LRP1B: variants seen among roughly 807,000 people sequenced by gnomAD.
LRP1B encodes the protein low-density lipoprotein receptor-related protein 1B.
In LRP1B, 217 loss-of-function variants were observed where a neutral mutation model predicts 556.6. That is an observed-to-expected ratio of 0.39 (90% CI 0.35 to 0.44). LRP1B has a LOEUF of 0.44. LRP1B is among the 20% of genes least tolerant of loss of function. The pLI is 1.00. For synonymous variants in LRP1B, 2,047 were observed against 1,865.8 expected, an observed-to-expected ratio of 1.10 and a Z score of -2.50; for missense variants, 5,053 against 5,620.8, an observed-to-expected ratio of 0.90 and a Z score of 3.23.
At chr2:140,623,152 T>C (rs1379797758) in intron 41 of LRP1B, among the ~76,000 whole-genome samples, 2 of 152,176 alleles carry the variant, frequency 1.3e-5, no homozygotes, top group African/African-American at 4.8e-5. Context: ...AGGTTTCTAG[T>C]TTATAAATAG....
intron 37 of LRP1B, among the ~76,000 whole-genome samples, chr2:140,702,857 C>T (rs1686698271): frequency 6.6e-6 from 1 of 152,094 alleles, no homozygotes; most frequent in African/African-American, 2.4e-5. Flanking sequence ...TCCTACTTTT[C>T]ATATCTCAAC....
At chr2:141,316,968 A>G (rs1467922759) in intron 3 of LRP1B, among the ~76,000 whole-genome samples, 3 of 152,196 alleles carry the variant, frequency 2.0e-5, no homozygotes, top group Admixed American at 2.0e-4. Flanking sequence ...TATAATCTAG[A>G]AAGGTGATGC....
At chr2:142,011,308 T>C (rs1702952102) in intron 1 of LRP1B, among the ~76,000 whole-genome samples, 1 of 152,202 alleles carries the variant, frequency 6.6e-6, no homozygotes, top group South Asian at 2.1e-4. Context: ...AGTGCCCTCA[T>C]ACTTTGTGTC....
intron 2 of LRP1B, among the ~76,000 whole-genome samples, chr2:141,731,386 A>G (rs914604043): frequency 1.3e-5 from 2 of 152,042 alleles, no homozygotes; most frequent in African/African-American, 2.4e-5. Flanking sequence ...AGAATCTCCT[A>G]TGTCCTCCGT....
At chr2:140,615,498 C>A (rs1683223497) in intron 41 of LRP1B, among the ~76,000 whole-genome samples, 2 of 152,052 alleles carry the variant, frequency 1.3e-5, no homozygotes, top group African/African-American at 4.8e-5. Flanking sequence ...TCTATCTGTG[C>A]AGTGGGCAAG....
intron 1 of LRP1B, among the ~76,000 whole-genome samples, chr2:141,997,865 A>G (rs767668390): frequency 6.6e-6 from 1 of 151,988 alleles, no homozygotes; most frequent in Non-Finnish European, 1.5e-5. Flanking sequence ...ACAGTTACAG[A>G]CCCTTTTTTG....
intron 2 of LRP1B, among the ~76,000 whole-genome samples, chr2:141,630,132 T>C (rs949076347): frequency 3.3e-5 from 5 of 152,164 alleles, no homozygotes; most frequent in African/African-American, 1.2e-4. Flanking sequence ...AAATGTTTTA[T>C]TGGACAAATA....
intron 46 of LRP1B, 95 bp from the exon 47 acceptor site, chr2:140,534,235 G>A: frequency 8.8e-7 from 1 of 1,141,604 alleles, no homozygotes; most frequent in Non-Finnish European, 1.2e-6. Context: ...ATAATGACTG[G>A]ATTATGGATC....
At position 140,969,245 on chromosome 2, in the gene LRP1B, T is replaced by C. The variant is rs907836930; in HGVS notation, c.2887+12915A>G. 1.2e-4 allele frequency among the ~76,000 whole-genome samples: 18 copies of C among 152,360 alleles called. 1 individual carries two copies. Among genetic ancestry groups the C allele is most frequent in the African/African-American group, 3.8e-4 (16 of 41,582 alleles). On this transcript the variant is annotated intron_variant, in intron 18 of 90. Coordinates refer to ENST00000389484, the MANE Select transcript of LRP1B (RefSeq NM_018557.3). ...TGGGTGCATATATATTTAAGATAGT[T>C]AGCTCTTCTTGTTGAATTGATCCCT...
intron 3 of LRP1B, among the ~76,000 whole-genome samples, chr2:141,408,849 A>T (rs1690741547): frequency 6.6e-6 from 1 of 152,146 alleles, no homozygotes; most frequent in South Asian, 2.1e-4. Flanking sequence ...ACCTTCACTT[A>T]TCACAATTTT....
chr2:141,433,004 T>C (rs4300778), intron 3 of LRP1B, among the ~76,000 whole-genome samples: 72,829 of 151,698 alleles, frequency 0.48, 17,708 homozygotes, highest in East Asian at 0.69. Flanking sequence ...GAGACTTCTC[T>C]TCTTTCTTAA....
intron 31 of LRP1B, among the ~76,000 whole-genome samples, chr2:140,835,133 A>C (rs577384882): frequency 6.6e-6 from 1 of 152,202 alleles, no homozygotes; most frequent in South Asian, 2.1e-4. Flanking sequence ...ATGACTACTC[A>C]GAGGGGCGGC....
At position 140,511,697 on chromosome 2, in the gene LRP1B, G is replaced by A. The variant is rs1453167995; in HGVS notation, c.8270-1641C>T. On this transcript the variant is annotated intron_variant, in intron 51 of 90. Transcript: ENST00000389484. ...GAGTGGATGTTGACAAATCCCCCCC[G>A]TAATCTAGACTTGCTTATTTAACTG... 5.3e-5 allele frequency among the ~76,000 whole-genome samples: 8 copies of A among 150,368 alleles called. No homozygotes were observed. In the East Asian group the frequency reaches 1.4e-3, roughly 26 times the overall value.
At chr2:140,583,204 C>T (rs1233257116) in intron 43 of LRP1B, among the ~76,000 whole-genome samples, 1 of 117,828 alleles carries the variant, frequency 8.5e-6, no homozygotes, top group Non-Finnish European at 1.6e-5. Flanking sequence ...GAGACAGCAT[C>T]TCTCTCTGTT....
intron 51 of LRP1B, among the ~76,000 whole-genome samples, chr2:140,511,008 T>A (rs1050874113): frequency 3.0e-4 from 45 of 152,190 alleles, no homozygotes; most frequent in Middle Eastern, 3.4e-3. Flanking sequence ...CTTTTTTTTT[T>A]TAAATTTTAC....
intron 29 of LRP1B, among the ~76,000 whole-genome samples, chr2:140,848,236 T>C (rs562508006): frequency 1.3e-5 from 2 of 152,326 alleles, no homozygotes; most frequent in East Asian, 3.9e-4. Flanking sequence ...ATTGTTCTTT[T>C]TAATCCAGTC....
Position 140,450,645 on chromosome 2 carries a change from T to C in LRP1B, c.9980A>G (p.Asp3327Gly). 1 of 1,610,842 alleles carries C rather than the reference T, an allele frequency of 6.2e-7. No homozygotes were observed. The highest frequency in any genetic ancestry group is 8.5e-7 in the Non-Finnish European group (1 of 1,178,666). Reference sequence around the variant, plus strand: ...TTTCCACCAGAATGGAATACATTTGTCAGTTTTGCAACGAAACTTAAAAAA... The same window carrying C: ...TTTCCACCAGAATGGAATACATTTGCCAGTTTTGCAACGAAACTTAAAAAA... Reference protein sequence around the residue: ...CTASQFRCKTDKCIPFWWKCD... With the variant: ...CTASQFRCKTGKCIPFWWKCD... Residue 3327 changes from aspartate (D) to glycine (G), a missense_variant, in exon 63 of 91, where the codon GAC (aspartate) becomes GGC (glycine). By Grantham distance (94) the Asp-to-Gly change is moderately conservative. Transcript: ENST00000389484.
intron 7 of LRP1B, among the ~76,000 whole-genome samples, chr2:141,099,370 GAT>G (rs1195043487): frequency 2.0e-5 from 3 of 152,182 alleles, no homozygotes; most frequent in Non-Finnish European, 4.4e-5. Context: ...GTTTAAAAGT[GAT>G]AAACAGTAAT....
At chr2:140,318,614 TGCTAGAATTTCCAATAACTCTGGAA>T (rs372760994) in intron 82 of LRP1B, among the ~76,000 whole-genome samples, 2,118 of 152,208 alleles carry the variant, frequency 0.014, 19 homozygotes, top group African/African-American at 0.029. Flanking sequence ...TGCACGTTAT[TGCTAGAATTTCCAATAACTCTGGAA>T]GCTAGAATTT....
Sources: allele counts gnomAD v4.1 joint callset (sites outside exome capture counted in the v4.1 genomes callset), GRCh38; gene constraint gnomAD v4.1.1; transcripts MANE v1.5; gene names NCBI Gene and HGNC (gene_info 2026-07-23, HGNC 2026-07-21).